KCNB2: variants seen among roughly 807,000 people sequenced by gnomAD.
KCNB2 encodes potassium voltage-gated channel subfamily B member 2.
KCNB2 carries 15 observed loss-of-function variants against 61.5 expected under a neutral mutation model. The ratio of observed to expected loss-of-function variants is 0.24; its 90% confidence interval spans 0.16 to 0.38. The LOEUF (loss-of-function observed/expected upper bound fraction) is 0.38, where lower values mean the gene tolerates loss of function less well. KCNB2 is among the 10% of genes least tolerant of loss of function. The probability of loss-of-function intolerance (pLI) is 1.00; values close to 1 mark genes in which losing one functional copy is unlikely to be tolerated. For synonymous variants in KCNB2, 457 were observed against 446.0 expected (o/e 1.02, Z -0.31); for missense variants, 828 against 1,125.2 (o/e 0.74, Z 3.78).
intron 2 of KCNB2, among the ~76,000 whole-genome samples, chr8:72,790,984 A>G (rs1453705015): frequency 6.6e-6 from 1 of 152,212 alleles, no homozygotes; most frequent in Non-Finnish European, 1.5e-5. Flanking sequence ...AAAACAACCT[A>G]TGTGAGCATT....
chr8:72,645,060 T>C (rs1417042033), intron 2 of KCNB2, among the ~76,000 whole-genome samples: 1 of 152,142 alleles, frequency 6.6e-6, no homozygotes, highest in Admixed American at 6.6e-5. Context: ...ATTATATTTG[T>C]GATCTTTATG....
chr8:72,902,666 C>T (rs906936796), intron 2 of KCNB2, among the ~76,000 whole-genome samples: 3 of 152,230 alleles, frequency 2.0e-5, no homozygotes, highest in African/African-American at 7.2e-5. Flanking sequence ...ATTAAATGAA[C>T]AACTGAATGA....
chr8:72,823,555 C>A (rs761291191), intron 2 of KCNB2, among the ~76,000 whole-genome samples: 47 of 152,138 alleles, frequency 3.1e-4, no homozygotes, highest in Admixed American at 1.6e-3. Flanking sequence ...ATGCAAGTTT[C>A]CAGGATTTCA....
chr8:72,658,121 G>A (rs980472316), intron 2 of KCNB2, among the ~76,000 whole-genome samples: 1 of 152,126 alleles, frequency 6.6e-6, no homozygotes, highest in African/African-American at 2.4e-5. Context: ...ATTAAGCTTA[G>A]TAAGAAAGGT....
intron 2 of KCNB2, among the ~76,000 whole-genome samples, chr8:72,709,317 A>G (rs948439892): frequency 5.3e-5 from 8 of 152,196 alleles, no homozygotes; most frequent in African/African-American, 1.9e-4. Context: ...AGATTCTCAA[A>G]ACAAAATTTC....
At chr8:72,723,194 C>A (rs1807579997) in intron 2 of KCNB2, among the ~76,000 whole-genome samples, 1 of 152,126 alleles carries the variant, frequency 6.6e-6, no homozygotes, top group Non-Finnish European at 1.5e-5. Context: ...CAGGGAGATG[C>A]ACAGAAGTGA....
At chr8:72,906,528 A>G (rs1806180445) in intron 2 of KCNB2, among the ~76,000 whole-genome samples, 3 of 152,236 alleles carry the variant, frequency 2.0e-5, no homozygotes, top group South Asian at 4.1e-4. Context: ...TTTAAACTAT[A>G]TGGTGAAAGA....
chr8:72,847,658 G>A (rs1810018869), intron 2 of KCNB2, among the ~76,000 whole-genome samples: 1 of 152,140 alleles, frequency 6.6e-6, no homozygotes, highest in Non-Finnish European at 1.5e-5. Context: ...CAACCTAGGA[G>A]GCCCTGGTTT....
intron 2 of KCNB2, among the ~76,000 whole-genome samples, chr8:72,708,075 A>G (rs566473764): frequency 6.6e-6 from 1 of 152,232 alleles, no homozygotes; most frequent in South Asian, 2.1e-4. Context: ...CCAATGTGAC[A>G]CCATAGCCCA....
chr8:72,886,533 A>C (rs1361937122), intron 2 of KCNB2, among the ~76,000 whole-genome samples: 2 of 151,886 alleles, frequency 1.3e-5, no homozygotes, highest in Non-Finnish European at 1.5e-5. Flanking sequence ...GCATCTTTCT[A>C]TCTGGGAAAC....
intron 2 of KCNB2, among the ~76,000 whole-genome samples, chr8:72,644,375 T>A (rs1018811678): frequency 1.3e-5 from 2 of 152,120 alleles, no homozygotes; most frequent in South Asian, 4.1e-4. Flanking sequence ...ATGCTACTTA[T>A]CCAGTCCTGA....
rs145231242 is a variant in KCNB2 at position 72,616,901 on chromosome 8, G to A, written c.579+48588G>A. On this transcript the variant is annotated intron_variant, in intron 2 of 2. Transcript: ENST00000523207. The stretch of plus-strand genomic sequence containing the variant: ...CCTTTGCCTATTACTGAAATCTGAT[G>A]GAGGAAGATTGGAGGGGCTTAAATG... 1.9e-3 allele frequency among the ~76,000 whole-genome samples: 282 copies of A among 152,272 alleles called. 3 individuals carry two copies. The highest frequency in any genetic ancestry group is 6.3e-3 in the African/African-American group (261 of 41,546).
intron 2 of KCNB2, among the ~76,000 whole-genome samples, chr8:72,764,748 A>C (rs1302376983): frequency 6.6e-6 from 1 of 152,216 alleles, no homozygotes; most frequent in Admixed American, 6.5e-5. Flanking sequence ...CTGATTGCTT[A>C]TGCACATATT....
rs537790670 is a variant in KCNB2 at position 72,668,338 on chromosome 8, C to T, written c.579+100025C>T. Among the ~76,000 whole-genome samples the T allele has an allele frequency of 1.4e-4, 22 of 152,290 alleles. No homozygotes were observed. The South Asian group carries it at 4.6e-3, about 32-fold the overall frequency. Reference sequence around the variant, plus strand: ...AGAGGCCACATTGACACCACAAGTCCCCACCATAAATCACATTATTAACAT... The same window carrying T: ...AGAGGCCACATTGACACCACAAGTCTCCACCATAAATCACATTATTAACAT... On this transcript the variant is annotated intron_variant, in intron 2 of 2. Transcript: ENST00000523207.
Position 72,713,144 on chromosome 8 carries a change from G to A in KCNB2, c.579+144831G>A, listed in dbSNP as rs188042138. Among the ~76,000 whole-genome samples, 212 of 152,332 alleles carry A rather than the reference G, an allele frequency of 1.4e-3. 1 individual carries two copies. Among genetic ancestry groups the A allele is most frequent in the African/African-American group, 4.9e-3 (205 of 41,560 alleles). On this transcript the variant is annotated intron_variant, in intron 2 of 2. Transcript: ENST00000523207. ...GCCCGCCATTGCCCAGGCTTGAGTCGGTAAACAAAGTGGCCAGGAAGCTCA... is the reference window on the plus strand; with the variant it reads ...GCCCGCCATTGCCCAGGCTTGAGTCAGTAAACAAAGTGGCCAGGAAGCTCA...
chr8:72,894,790 T>C (rs773466918), intron 2 of KCNB2, among the ~76,000 whole-genome samples: 10 of 152,196 alleles, frequency 6.6e-5, no homozygotes, highest in Non-Finnish European at 4.4e-5. Context: ...TTTTCGGGAA[T>C]TGTAATTTCA....
At chr8:72,705,453 A>G (rs1392388246) in intron 2 of KCNB2, among the ~76,000 whole-genome samples, 1 of 152,256 alleles carries the variant, frequency 6.6e-6, no homozygotes, top group African/African-American at 2.4e-5. Context: ...ATGACAGATG[A>G]CATTAGAAGG....
At chr8:72,752,595 A>G (rs2128995800) in intron 2 of KCNB2, among the ~76,000 whole-genome samples, 1 of 152,274 alleles carries the variant, frequency 6.6e-6, no homozygotes. Context: ...CTGGAAGTAC[A>G]CCACCAGCTT....
At chr8:72,801,385 C>A (rs1159755323) in intron 2 of KCNB2, among the ~76,000 whole-genome samples, 1 of 152,096 alleles carries the variant, frequency 6.6e-6, no homozygotes, top group Non-Finnish European at 1.5e-5. Flanking sequence ...TTGTGGTGAG[C>A]CCCCTTGGGA....
Sources: gnomAD v4.1 joint callset for allele counts (sites outside exome capture counted in the v4.1 genomes callset) on GRCh38, gnomAD v4.1.1 for gene constraint, MANE v1.5 for transcripts, NCBI Gene and HGNC (gene_info 2026-07-23, HGNC 2026-07-21) for gene names.